L3HYPDH: variants seen among roughly 807,000 people sequenced by gnomAD.
The protein encoded by L3HYPDH is trans-3-hydroxy-L-proline dehydratase.
L3HYPDH carries 32 observed loss-of-function variants against 26.5 expected under a neutral mutation model. The observed-to-expected ratio is 1.21, with a 90% CI of 0.91 to 1.62. L3HYPDH has a LOEUF of 1.62. Ranked by LOEUF, L3HYPDH falls within the 40% of genes most tolerant of loss-of-function variation. The probability of loss-of-function intolerance (pLI) is 0.00; values close to 1 mark genes in which losing one functional copy is unlikely to be tolerated. For synonymous variants in L3HYPDH, 215 were observed against 196.6 expected (o/e 1.09, Z -0.78); for missense variants, 554 against 476.4 (o/e 1.16, Z -1.52).
At chr14:59,481,979 G>A (rs1566565297) in intron 1 of L3HYPDH, among the ~76,000 whole-genome samples, 1 of 152,178 alleles carries the variant, frequency 6.6e-6, no homozygotes, top group East Asian at 1.9e-4. Flanking sequence ...TTTCTCAAGA[G>A]GACCAGATGT....
At chr14:59,476,041 G>A in intron 3 of L3HYPDH, 35 bp from the exon 4 acceptor site, 1 of 1,613,844 alleles carries the variant, frequency 6.2e-7, no homozygotes, top group Non-Finnish European at 8.5e-7. Context: ...AATGTTCATA[G>A]TGTGTTCCAT....
chr14:59,483,757 G>A, intron 1 of L3HYPDH, 52 bp downstream of exon 1: 1 of 1,569,584 alleles, frequency 6.4e-7, no homozygotes, highest in Non-Finnish European at 8.6e-7. Flanking sequence ...AATGTAGTTA[G>A]TCGCGTCCCG....
the L3HYPDH span, among the ~76,000 whole-genome samples, chr14:59,491,001 A>G: frequency 1.3e-5 from 2 of 152,210 alleles, no homozygotes; most frequent in African/African-American, 4.8e-5. Context: ...AGGTGGGTTT[A>G]AAAAGAGGGA....
Position 59,479,248 on chromosome 14 carries a change from A to G in L3HYPDH, c.612T>C (p.Ile204=), listed in dbSNP as rs773596813. ...CAAGGTCCCTGGTCTTTGCAGAACA[A>G]ATGTCTAGTCCTAACTTTTCAGCAG... is the stretch of plus-strand genomic sequence containing the variant. ...FVTAEKLGLD[I]CSAKTRDLVD... is the part of the protein sequence containing the mutation. Residue 204 remains isoleucine, a synonymous_variant, in exon 2 of 5, where the codon ATT becomes ATC. Coordinates refer to ENST00000247194, the MANE Select transcript of L3HYPDH (RefSeq NM_144581.2). 6.2e-7 allele frequency: 1 copy of G among 1,613,664 alleles called. No homozygotes were observed. The highest frequency in any genetic ancestry group is 8.5e-7 in the Non-Finnish European group (1 of 1,179,908).
At chr14:59,489,859 G>A in the L3HYPDH span, among the ~76,000 whole-genome samples, 1 of 149,018 alleles carries the variant, frequency 6.7e-6, no homozygotes, top group Middle Eastern at 3.4e-3. Flanking sequence ...GGAACCACAT[G>A]GTGATAGGGG....
upstream of L3HYPDH, chr14:59,485,227 T>C: frequency 8.5e-7 from 1 of 1,182,702 alleles, no homozygotes; most frequent in Non-Finnish European, 1.2e-6. Flanking sequence ...AAGCATCTAC[T>C]AGATGTAAAG....
chr14:59,481,603 C>A (rs1219789517), intron 1 of L3HYPDH, among the ~76,000 whole-genome samples: 2 of 152,214 alleles, frequency 1.3e-5, no homozygotes, highest in East Asian at 1.9e-4. Flanking sequence ...ATTTAGTGAG[C>A]ACCTACTATG....
the L3HYPDH span, among the ~76,000 whole-genome samples, chr14:59,502,754 T>TTGTTTTGTTTTGTTTTG: frequency 6.7e-5 from 2 of 29,780 alleles, no homozygotes; most frequent in Non-Finnish European, 9.1e-5. Context: ...AATGAGATTT[T>TTGTTTTGTTTTGTTTTG]TTTTTTTTTT....
the L3HYPDH span, among the ~76,000 whole-genome samples, chr14:59,495,768 A>G: frequency 6.6e-6 from 1 of 152,230 alleles, no homozygotes; most frequent in Non-Finnish European, 1.5e-5. Flanking sequence ...GGCTTTCAGT[A>G]CATAATATGC....
chr14:59,497,203 C>T, the L3HYPDH span, among the ~76,000 whole-genome samples: 5 of 152,018 alleles, frequency 3.3e-5, no homozygotes, highest in Admixed American at 2.0e-4. Context: ...AACATGTAAG[C>T]TTCTATCATT....
chr14:59,466,916 A>C (rs1186508632), intron 1 of L3HYPDH, among the ~76,000 whole-genome samples: 1 of 152,148 alleles, frequency 6.6e-6, no homozygotes, highest in Admixed American at 6.5e-5. Flanking sequence ...GATATTGCCA[A>C]ATATCCTCTT....
At chr14:59,468,225 T>TA (rs965178034), downstream of L3HYPDH, among the ~76,000 whole-genome samples, 13 of 152,074 alleles carry the variant, frequency 8.5e-5, no homozygotes, top group African/African-American at 2.4e-4. Context: ...ATGTCTCTTT[T>TA]AAAAAAAATC....
At chr14:59,496,357 C>T in the L3HYPDH span, among the ~76,000 whole-genome samples, 1 of 151,598 alleles carries the variant, frequency 6.6e-6, no homozygotes, top group African/African-American at 2.4e-5. Context: ...TAATTACCCT[C>T]TTGTCATATA....
At chr14:59,473,578 G>C (rs1434937617) in intron 4 of L3HYPDH, among the ~76,000 whole-genome samples, 1 of 152,184 alleles carries the variant, frequency 6.6e-6, no homozygotes, top group Non-Finnish European at 1.5e-5. Context: ...GAGAAAGGAA[G>C]AAAGGAAGAA....
At chr14:59,479,410 A>C (rs1159807909) in intron 1 of L3HYPDH, 59 bp from the exon 2 acceptor site, 8 of 1,429,218 alleles carry the variant, frequency 5.6e-6, no homozygotes, top group Non-Finnish European at 5.8e-6. Flanking sequence ...TTTAGCAATA[A>C]AATTCAAAGG....
chr14:59,504,417 A>C, the L3HYPDH span: 4 of 222,468 alleles, frequency 1.8e-5, no homozygotes, highest in Middle Eastern at 3.1e-3. Flanking sequence ...TAACACGTGT[A>C]ATCTGCAGTC....
chr14:59,486,713 C>A, upstream of L3HYPDH: 1 of 1,576,010 alleles, frequency 6.3e-7, no homozygotes, highest in Admixed American at 1.8e-5. Flanking sequence ...TTTTAAAAAG[C>A]TGTCGATATT....
In L3HYPDH at chr14:59,483,932, G is replaced by C. The variant is rs375464365; in HGVS notation, c.385C>G (p.Arg129Gly). 144 of 1,555,490 alleles carry C rather than the reference G, an allele frequency of 9.3e-5. No homozygotes were observed. The highest frequency in any genetic ancestry group is 6.7e-4 in the Middle Eastern group (4 of 5,932). ...GLVPAPPAGTREARVNIHCPC... is the reference protein window; with the variant it reads ...GLVPAPPAGTGEARVNIHCPC... ...CAGTGGATATTGACGCGGGCCTCGCGGGTGCCCGCAGGGGGCGCCGGCACA... is the reference window on the plus strand; with the variant it reads ...CAGTGGATATTGACGCGGGCCTCGCCGGTGCCCGCAGGGGGCGCCGGCACA... The change falls in exon 1 of 5, where the codon CGC becomes GGC. Residue 129 changes from arginine to glycine, a missense_variant. Transcript: ENST00000247194.
At chr14:59,504,133 C>T in the L3HYPDH span, 1 of 960,078 alleles carries the variant, frequency 1.0e-6, no homozygotes, top group Admixed American at 1.9e-5. Flanking sequence ...GTAAATCAAT[C>T]TTAACAGTGT....
Sources: gnomAD v4.1 joint callset for allele counts (sites outside exome capture counted in the v4.1 genomes callset) on GRCh38, gnomAD v4.1.1 for gene constraint, MANE v1.5 for transcripts, NCBI Gene and HGNC (gene_info 2026-07-23, HGNC 2026-07-21) for gene names.